The following SH3GLB1 variants were observed in gnomAD, a reference collection of about 807,000 sequenced individuals.
The protein encoded by SH3GLB1 is endophilin-B1.
Under a neutral mutation model 42.0 loss-of-function variants are expected in SH3GLB1, and 17 were observed. That is an observed-to-expected ratio of 0.40 (90% CI 0.28 to 0.61). SH3GLB1 has a LOEUF of 0.61. Ranked by LOEUF, SH3GLB1 falls within the 20% of genes least tolerant of loss-of-function variation. The pLI, the probability that SH3GLB1 is intolerant of heterozygous loss-of-function variation, is 0.36. For missense variants in SH3GLB1, 355 were observed against 426.3 expected (o/e 0.83, Z 1.47); for synonymous variants, 132 against 146.6 (o/e 0.90, Z 0.72).
intron 5 of SH3GLB1, chr1:86,729,958 A>T (rs1176674534): frequency 8.0e-6 from 7 of 872,868 alleles, no homozygotes; most frequent in Non-Finnish European, 1.0e-5. Context: ...ACTGTGTTTA[A>T]TCTATAAATA....
chr1:86,747,880 A>G lies in SH3GLB1; in HGVS notation c.*4645A>G, dbSNP rs1656376801. 6.6e-6 allele frequency: 1 copy of G among 152,242 alleles called. No individual in the cohort carries two copies. Among genetic ancestry groups the G allele is most frequent in the South Asian group, 2.1e-4 (1 of 4,838 alleles). 9.4% of individuals were successfully genotyped at this position (152,242 alleles called of 1,614,324 possible). On this transcript the variant is annotated 3_prime_UTR_variant, in exon 9 of 9. Transcript: ENST00000370558. ...AGTCATAGCCCTGTTGGCAAAAAGA[A>G]AAAAGATTCAGTGAGAAAGAAAAAT...
intron 4 of SH3GLB1, among the ~76,000 whole-genome samples, chr1:86,722,927 A>G (rs1183677756): frequency 2.6e-5 from 4 of 152,298 alleles, no homozygotes; most frequent in African/African-American, 7.2e-5. Flanking sequence ...GCTAAAATCT[A>G]TAGAGAGGTT....
At chr1:86,707,540 T>C (rs751837322) in intron 1 of SH3GLB1, among the ~76,000 whole-genome samples, 1 of 152,212 alleles carries the variant, frequency 6.6e-6, no homozygotes, top group Non-Finnish European at 1.5e-5. Flanking sequence ...GGAAAAATTT[T>C]AGGAGAAACA....
rs1371897089 is a variant in SH3GLB1, at chr1:86,704,979, G to A, written c.72+8G>A. ...CTCAGTCGCGCCGTGCAGGTACCCT[G>A]GTGCTGGGGGGAAAAGGGGTGGCGG... On this transcript the variant is annotated splice_region_variant and intron_variant, in intron 1 of 8. Transcript: ENST00000370558. The A allele has an allele frequency of 1.3e-6, 2 of 1,563,378 alleles. No individual in the cohort carries two copies. Among genetic ancestry groups the A allele is most frequent in the African/African-American group, 2.8e-5 (2 of 70,616 alleles).
At chr1:86,722,171 T>G (rs1394112502) in intron 3 of SH3GLB1, among the ~76,000 whole-genome samples, 2 of 151,682 alleles carry the variant, frequency 1.3e-5, no homozygotes, top group African/African-American at 4.8e-5. Context: ...CATCCTTTTT[T>G]TTTTTTTTCT....
At chr1:86,733,921 A>G (rs945497268) in intron 5 of SH3GLB1, among the ~76,000 whole-genome samples, 4 of 152,140 alleles carry the variant, frequency 2.6e-5, no homozygotes, top group Non-Finnish European at 5.9e-5. Context: ...CACACTACTG[A>G]TTGAAGTTCG....
chr1:86,727,714 T>C (rs1259004221), intron 5 of SH3GLB1, among the ~76,000 whole-genome samples: 2 of 152,068 alleles, frequency 1.3e-5, no homozygotes, highest in African/African-American at 4.8e-5. Context: ...ACAGTTTTAG[T>C]AATGTTAAAG....
chr1:86,743,243 G>T lies in SH3GLB1; in HGVS notation c.*8G>T. On this transcript the variant is annotated 3_prime_UTR_variant, in exon 9 of 9. Coordinates refer to ENST00000370558, the MANE Select transcript of SH3GLB1 (RefSeq NM_016009.5). ...TTAGAACTGCTCAATTAAGTAGGTG[G>T]ACTATGGAAAGGTTGCCCATCATGA... is the stretch of plus-strand genomic sequence containing the variant. 1 of 1,579,468 alleles carries T rather than the reference G, an allele frequency of 6.3e-7. No individual in the cohort carries two copies. Among genetic ancestry groups the T allele is most frequent in the Middle Eastern group, 1.7e-4 (1 of 5,930 alleles).
At position 86,704,823 on chromosome 1, in the gene SH3GLB1, C is replaced by T. The variant is rs1653722808; in HGVS notation, c.-77C>T. ...CCACGTCTGCCCTCGCCGCTCTAGC[C>T]CTGCGCCCCAGCCCGGCCGCGGCAC... On this transcript the variant is annotated 5_prime_UTR_variant, in exon 1 of 9. Coordinates refer to ENST00000370558, the MANE Select transcript of SH3GLB1 (RefSeq NM_016009.5). The T allele has an allele frequency of 4.1e-6, 4 of 966,428 alleles. No homozygotes were observed. Among genetic ancestry groups the T allele is most frequent in the Non-Finnish European group, 6.1e-6 (4 of 652,652 alleles). The allele number at this position is 966,428 out of a possible 1,614,324, so 59.9% of individuals were successfully genotyped here. A position where few individuals can be genotyped will look rare whatever the true frequency, so the allele number is the denominator to read the frequency against.
In SH3GLB1 at chr1:86,725,696, T is replaced by C. The variant is rs116082668; in HGVS notation, c.570+1291T>C. 2.9e-3 allele frequency among the ~76,000 whole-genome samples: 439 copies of C among 152,292 alleles called. 1 individual carries two copies. The highest frequency in any genetic ancestry group is 0.01 in the African/African-American group (422 of 41,582). The stretch of plus-strand genomic sequence containing the variant: ...GTGCTGGTACTGTCTTATAGTTCTC[T>C]TGTTTGGGAGATAAAAAGGTTGAAA... On this transcript the variant is annotated intron_variant, in intron 5 of 8. Transcript: ENST00000370558.
intron 1 of SH3GLB1, 86 bp downstream of exon 1, chr1:86,705,057 C>A: frequency 1.1e-6 from 1 of 883,102 alleles, no homozygotes; most frequent in Non-Finnish European, 1.7e-6. Flanking sequence ...GCCCCCGGGC[C>A]TCGCCGACCA....
intron 1 of SH3GLB1, among the ~76,000 whole-genome samples, chr1:86,706,132 G>A (rs1208378049): frequency 2.0e-5 from 3 of 152,202 alleles, no homozygotes; most frequent in Non-Finnish European, 4.4e-5. Flanking sequence ...CCAGATAGAT[G>A]TTATTAACCC....
At chr1:86,712,197 T>G in intron 1 of SH3GLB1, among the ~76,000 whole-genome samples, 1 of 152,174 alleles carries the variant, frequency 6.6e-6, no homozygotes, top group East Asian at 1.9e-4. Context: ...TCCCTTTTAT[T>G]CATTCATGAT....
chr1:86,722,143 T>TG (rs1303125452), intron 3 of SH3GLB1, among the ~76,000 whole-genome samples: 1 of 150,820 alleles, frequency 6.6e-6, no homozygotes, highest in African/African-American at 2.4e-5. Flanking sequence ...ATGCCACCAC[T>TG]GTGCCTGGCT....
intron 1 of SH3GLB1, among the ~76,000 whole-genome samples, chr1:86,706,514 T>C (rs1277162529): frequency 6.6e-6 from 1 of 152,202 alleles, no homozygotes; most frequent in Non-Finnish European, 1.5e-5. Flanking sequence ...TAAAATAATG[T>C]TTTGATTTAA....
chr1:86,722,178 TTC>T (rs1654902638), intron 3 of SH3GLB1, among the ~76,000 whole-genome samples: 1 of 151,598 alleles, frequency 6.6e-6, no homozygotes, highest in East Asian at 1.9e-4. Context: ...TTTTTTTTTT[TTC>T]TGAATGTTTT....
chr1:86,718,844 C>T (rs560737341), intron 2 of SH3GLB1, among the ~76,000 whole-genome samples: 2 of 152,188 alleles, frequency 1.3e-5, no homozygotes, highest in South Asian at 2.1e-4. Context: ...ATTGCTTTAA[C>T]CTTTCGTATT....
intron 7 of SH3GLB1, among the ~76,000 whole-genome samples, chr1:86,738,248 GTTTGTTTGTTTTGT>G (rs540980406): frequency 0.018 from 1,420 of 76,770 alleles, 26 homozygotes; most frequent in African/African-American, 0.15. Context: ...TTTGTTTTTT[GTTTGTTTGTTTTGT>G]TTTGTTTTGT....
intron 5 of SH3GLB1, chr1:86,730,381 A>G (rs1190006252): frequency 3.0e-6 from 3 of 985,222 alleles, no homozygotes; most frequent in East Asian, 1.1e-4. Context: ...GTTCCTTACT[A>G]TAGAAGGCAG....
Sources: gnomAD v4.1 joint callset for allele counts (sites outside exome capture counted in the v4.1 genomes callset) on GRCh38, gnomAD v4.1.1 for gene constraint, MANE v1.5 for transcripts, NCBI Gene and HGNC (gene_info 2026-07-23, HGNC 2026-07-21) for gene names.